The following LRFN5 variants were observed in gnomAD, a reference collection of about 807,000 sequenced individuals.
LRFN5 encodes the protein leucine rich repeat and fibronectin type III domain containing 5, also known as leucine-rich repeat and fibronectin type-III domain-containing protein 5.
In LRFN5, 24 loss-of-function variants were observed where a neutral mutation model predicts 45.6. The ratio of observed to expected loss-of-function variants is 0.53; its 90% CI spans 0.38 to 0.74. LRFN5 has a LOEUF of 0.74. Ranked by LOEUF, LRFN5 falls within the 30% of genes least tolerant of loss-of-function variation. LRFN5 has a pLI of 0.00. For missense variants in LRFN5, 776 were observed against 861.5 expected (o/e 0.90, Z 1.24); for synonymous variants, 340 against 313.8 (o/e 1.08, Z -0.88).
chr14:41,856,675 A>ATTATTATTATTATTTT, intron 2 of LRFN5, among the ~76,000 whole-genome samples: 742 of 18,374 alleles, frequency 0.04, 93 homozygotes, highest in Middle Eastern at 0.36. Context: ...TATTATTATT[A>ATTATTATTATTATTTT]TTTTTTTTTT....
At chr14:41,859,450 T>C (rs1393606307) in intron 2 of LRFN5, among the ~76,000 whole-genome samples, 1 of 152,204 alleles carries the variant, frequency 6.6e-6, no homozygotes, top group Non-Finnish European at 1.5e-5. Context: ...TTAACCCTAA[T>C]GTTTGGTGAG....
intron 4 of LRFN5, chr14:41,894,965 T>C (rs1348259917): frequency 2.0e-6 from 2 of 976,212 alleles, no homozygotes; most frequent in Non-Finnish European, 1.2e-6. Flanking sequence ...GAAGATTATA[T>C]ATACATATAT....
At chr14:41,775,543 A>G (rs550761448) in intron 2 of LRFN5, among the ~76,000 whole-genome samples, 2 of 152,276 alleles carry the variant, frequency 1.3e-5, no homozygotes, top group South Asian at 2.1e-4. Flanking sequence ...ATACTGTTTA[A>G]TATCTGGAAA....
chr14:41,853,416 C>A (rs1019838441), intron 2 of LRFN5, among the ~76,000 whole-genome samples: 1 of 151,738 alleles, frequency 6.6e-6, no homozygotes, highest in Non-Finnish European at 1.5e-5. Flanking sequence ...TCAAGTTAAG[C>A]GTGTATTTTC....
chr14:41,820,374 C>T (rs886462004), intron 2 of LRFN5, among the ~76,000 whole-genome samples: 6 of 151,918 alleles, frequency 3.9e-5, no homozygotes, highest in South Asian at 2.1e-4. Flanking sequence ...AATAGATTCC[C>T]ATTTCCATGG....
At chr14:41,781,616 GA>G (rs1303177843) in intron 2 of LRFN5, among the ~76,000 whole-genome samples, 8 of 59,636 alleles carry the variant, frequency 1.3e-4, no homozygotes, top group African/African-American at 2.7e-4. Context: ...AAGAAAGAAA[GA>G]GAAAGAAAGA....
intron 1 of LRFN5, among the ~76,000 whole-genome samples, chr14:41,703,386 A>T (rs1882916797): frequency 6.6e-6 from 1 of 152,116 alleles, no homozygotes; most frequent in African/African-American, 2.4e-5. Flanking sequence ...TTTCCTGAAA[A>T]ATCAAGACCC....
intron 1 of LRFN5, among the ~76,000 whole-genome samples, chr14:41,653,154 G>A (rs1476125102): frequency 6.6e-6 from 1 of 152,116 alleles, no homozygotes; most frequent in Non-Finnish European, 1.5e-5. Context: ...CTACGAAGAA[G>A]CTCTTTAGTT....
At chr14:41,783,252 G>A (rs571544707) in intron 2 of LRFN5, among the ~76,000 whole-genome samples, 51 of 152,142 alleles carry the variant, frequency 3.4e-4, no homozygotes, top group African/African-American at 1.1e-3. Flanking sequence ...GCCTCCAAGA[G>A]TTTCTCACTC....
chr14:41,738,128 G>A (rs1156266529), intron 1 of LRFN5, among the ~76,000 whole-genome samples: 1 of 152,152 alleles, frequency 6.6e-6, no homozygotes, highest in Non-Finnish European at 1.5e-5. Context: ...AAACAGCATG[G>A]TACTGGTAGC....
chr14:41,709,646 A>G (rs1165861732), intron 1 of LRFN5, among the ~76,000 whole-genome samples: 1 of 152,062 alleles, frequency 6.6e-6, no homozygotes, highest in Non-Finnish European at 1.5e-5. Context: ...TATGTCACCC[A>G]TCTTAATTTA....
chr14:41,607,115 G>C lies in LRFN5; in HGVS notation c.-1644G>C, dbSNP rs1887516238. 6.6e-6 allele frequency among the ~76,000 whole-genome samples: 1 copy of C among 152,184 alleles called. No individual in the cohort carries two copies. Among genetic ancestry groups the C allele is most frequent in the Admixed American group, 6.5e-5 (1 of 15,292 alleles). ...CAGGGAGGCGGTGAGCGTGTGCAGA[G>C]CTGCCCGAACGGAGGACTATGTATG... On this transcript the variant is annotated 5_prime_UTR_variant, in exon 1 of 6. Transcript: ENST00000298119.
chr14:41,835,834 T>C (rs1305583110), intron 2 of LRFN5, among the ~76,000 whole-genome samples: 1 of 151,986 alleles, frequency 6.6e-6, no homozygotes, highest in Non-Finnish European at 1.5e-5. Flanking sequence ...TTTAAAGTAA[T>C]CATTCTAGAT....
chr14:41,904,126 T>G, intron 5 of LRFN5, 32 bp from the exon 6 acceptor site: 1 of 1,531,094 alleles, frequency 6.5e-7, no homozygotes, highest in East Asian at 2.3e-5. Context: ...CCTTTCTTTC[T>G]TTTTTTCCTT....
chr14:41,895,291 A>G, intron 4 of LRFN5, among the ~76,000 whole-genome samples: 1 of 152,202 alleles, frequency 6.6e-6, no homozygotes, highest in East Asian at 1.9e-4. Flanking sequence ...TTAGTCTACA[A>G]ATATATAAAT....
intron 2 of LRFN5, among the ~76,000 whole-genome samples, chr14:41,788,620 T>C (rs1338831696): frequency 5.3e-5 from 8 of 152,062 alleles, no homozygotes; most frequent in Non-Finnish European, 1.0e-4. Context: ...AAGACAACTA[T>C]AAACAATTAT....
intron 1 of LRFN5, among the ~76,000 whole-genome samples, chr14:41,765,178 A>G (rs1373055449): frequency 6.6e-6 from 1 of 151,790 alleles, no homozygotes; most frequent in African/African-American, 2.4e-5. Context: ...CGTCTCTACT[A>G]AAAGTACAAA....
At chr14:41,838,163 T>C (rs1303922751) in intron 2 of LRFN5, among the ~76,000 whole-genome samples, 1 of 152,234 alleles carries the variant, frequency 6.6e-6, no homozygotes, top group African/African-American at 2.4e-5. Flanking sequence ...TATGTTATTC[T>C]ATTTTGTATT....
At chr14:41,683,686 C>G (rs1031473671) in intron 1 of LRFN5, among the ~76,000 whole-genome samples, 1 of 151,636 alleles carries the variant, frequency 6.6e-6, no homozygotes, top group Non-Finnish European at 1.5e-5. Context: ...ACCAAAGTAA[C>G]CTCATTTACA....
Sources: allele counts gnomAD v4.1 joint callset (sites outside exome capture counted in the v4.1 genomes callset), GRCh38; gene constraint gnomAD v4.1.1; transcripts MANE v1.5; gene names NCBI Gene and HGNC (gene_info 2026-07-23, HGNC 2026-07-21).